CAP2: variants seen among roughly 807,000 people sequenced by gnomAD.
CAP2 encodes the protein adenylyl cyclase-associated protein 2.
In CAP2, 24 loss-of-function variants were observed where a neutral mutation model predicts 57.7. The observed-to-expected ratio is 0.42, with a 90% CI of 0.30 to 0.58. CAP2 has a LOEUF of 0.58. Ranked by LOEUF, CAP2 falls within the 20% of genes least tolerant of loss-of-function variation. The pLI, the probability that CAP2 is intolerant of heterozygous loss-of-function variation, is 0.22. For missense variants in CAP2, 501 were observed against 590.3 expected (o/e 0.85, Z 1.57); for synonymous variants, 194 against 207.2 (o/e 0.94, Z 0.55).
rs185708714 is a variant in CAP2 at position 17,444,597 on chromosome 6, C to T, written c.222+17907C>T. ...CAGAGGTTGCAGTGAGCCGAGATCG[C>T]GCCACTGCACTCCAGCCTGGCGACA... is the stretch of plus-strand genomic sequence containing the variant. On this transcript the variant is annotated intron_variant, in intron 3 of 12. Transcript: ENST00000229922. Among the ~76,000 whole-genome samples the T allele has an allele frequency of 6.9e-5, 10 of 145,890 alleles. No individual in the cohort carries two copies. The East Asian group carries it at 8.2e-4, about 12-fold the overall frequency.
chr6:17,430,561 C>G (rs1759701124), intron 3 of CAP2, among the ~76,000 whole-genome samples: 1 of 145,300 alleles, frequency 6.9e-6, no homozygotes. Context: ...TTTTTCGAGA[C>G]AGAGTCTTGC....
intron 3 of CAP2, among the ~76,000 whole-genome samples, chr6:17,440,625 G>GTA (rs1760047814): frequency 1.3e-5 from 2 of 150,738 alleles, no homozygotes; most frequent in African/African-American, 4.9e-5. Context: ...GTGTGTGTGT[G>GTA]TGTGTGTGTG....
intron 4 of CAP2, among the ~76,000 whole-genome samples, chr6:17,503,662 A>G (rs1761895887): frequency 6.6e-6 from 1 of 151,046 alleles, no homozygotes; most frequent in Non-Finnish European, 1.5e-5. Flanking sequence ...CACCCTAATG[A>G]CCTCATTTTA....
chr6:17,430,129 C>G (rs190415743), intron 3 of CAP2, among the ~76,000 whole-genome samples: 1 of 152,142 alleles, frequency 6.6e-6, no homozygotes, highest in Non-Finnish European at 1.5e-5. Context: ...ACGTCTGTCT[C>G]GATGTGTTGG....
intron 4 of CAP2, among the ~76,000 whole-genome samples, chr6:17,500,365 A>ATATATG (rs1761782438): frequency 9.9e-6 from 1 of 100,758 alleles, no homozygotes; most frequent in African/African-American, 4.3e-5. Flanking sequence ...ATATATATAT[A>ATATATG]TATATATATA....
At chr6:17,538,795 GCTTAAA>G (rs1762832652) in intron 7 of CAP2, among the ~76,000 whole-genome samples, 1 of 152,144 alleles carries the variant, frequency 6.6e-6, no homozygotes, top group South Asian at 2.1e-4. Context: ...CTCTTTCACT[GCTTAAA>G]AAGGTTCGGA....
rs1167358962 is a variant in CAP2 at position 17,513,630 on chromosome 6, CAG to C, written c.531-218_531-217del. Among the ~76,000 whole-genome samples, 1 of 152,086 alleles carries C rather than the reference CAG, an allele frequency of 6.6e-6. No homozygotes were observed. Among genetic ancestry groups the C allele is most frequent in the Non-Finnish European group, 1.5e-5 (1 of 68,008 alleles). On this transcript the variant is annotated intron_variant, in intron 6 of 12. Transcript: ENST00000229922. This position sits in a 1 kb window ranked among gnomAD's most constrained non-coding sequence, Gnocchi z 4.3. ...GTACCTCTGCTCCATACCCGGAGCT[CAG>C]GGCATCCGGCCACCTGCCGCCTCCC... is the stretch of plus-strand genomic sequence containing the variant.
chr6:17,549,212 C>G (rs1763117856), intron 11 of CAP2, among the ~76,000 whole-genome samples: 1 of 152,062 alleles, frequency 6.6e-6, no homozygotes, highest in Admixed American at 6.6e-5. Context: ...GCCTGTAATC[C>G]CAGAACTTTG....
intron 1 of CAP2, among the ~76,000 whole-genome samples, chr6:17,410,084 C>T (rs1759098720): frequency 6.6e-6 from 1 of 152,102 alleles, no homozygotes; most frequent in Non-Finnish European, 1.5e-5. Flanking sequence ...GATGCCTTTA[C>T]TTATTTTTCT....
chr6:17,417,774 A>T (rs915953748), intron 1 of CAP2, among the ~76,000 whole-genome samples: 1 of 152,100 alleles, frequency 6.6e-6, no homozygotes, highest in African/African-American at 2.4e-5. Context: ...CAGTCTCTTC[A>T]TTCTCCAGCT....
chr6:17,552,036 C>T (rs1763182717), intron 12 of CAP2, among the ~76,000 whole-genome samples: 4 of 152,260 alleles, frequency 2.6e-5, no homozygotes, highest in Middle Eastern at 3.4e-3. Context: ...GTGTAAGAAT[C>T]GGGAAGTTTT....
intron 7 of CAP2, among the ~76,000 whole-genome samples, chr6:17,515,899 T>C (rs188654437): frequency 2.5e-4 from 38 of 152,338 alleles, no homozygotes; most frequent in African/African-American, 7.5e-4. Flanking sequence ...TCTCACCGTG[T>C]GTTCCAGCAA....
chr6:17,453,909 T>C (rs1216401895), intron 3 of CAP2, among the ~76,000 whole-genome samples: 1 of 149,262 alleles, frequency 6.7e-6, no homozygotes, highest in Admixed American at 6.6e-5. Context: ...TTCTTTTTTT[T>C]TTTTTTTTTT....
At position 17,400,137 on chromosome 6, in the gene CAP2, A is replaced by T. The variant is rs569537514; in HGVS notation, c.-2+6391A>T. Among the ~76,000 whole-genome samples the T allele has an allele frequency of 2.0e-5, 3 of 152,070 alleles. No homozygotes were observed. The South Asian group carries it at 6.2e-4, about 32-fold the overall frequency. ...GCTACTTGGGAGGCTGAGGCAGGAG[A>T]ATCGCTTGAACCCGGGAGGCGGAGG... On this transcript the variant is annotated intron_variant, in intron 1 of 12. Coordinates refer to ENST00000229922, the MANE Select transcript of CAP2 (RefSeq NM_006366.3).
chr6:17,436,824 C>T (rs1295576785), intron 3 of CAP2, among the ~76,000 whole-genome samples: 2 of 152,100 alleles, frequency 1.3e-5, no homozygotes, highest in African/African-American at 4.8e-5. Context: ...GAGTGGCAGG[C>T]AGGTGAGCGG....
intron 8 of CAP2, 105 bp from the exon 9 acceptor site, chr6:17,540,868 T>G: frequency 8.9e-7 from 1 of 1,123,182 alleles, no homozygotes; most frequent in Non-Finnish European, 1.3e-6. Flanking sequence ...GAAAGTGGCC[T>G]TACCAAAAGT....
intron 7 of CAP2, 70 bp from the exon 8 acceptor site, chr6:17,539,199 T>A: frequency 6.9e-7 from 1 of 1,456,526 alleles, no homozygotes; most frequent in Non-Finnish European, 9.3e-7. Flanking sequence ...AGGTTTCGAC[T>A]CTCTCGGGCA....
intron 3 of CAP2, among the ~76,000 whole-genome samples, chr6:17,436,027 G>C (rs1158558384): frequency 6.6e-6 from 1 of 152,130 alleles, no homozygotes; most frequent in Non-Finnish European, 1.5e-5. Context: ...CTAAGGTTAA[G>C]ATGACTAAAC....
chr6:17,428,628 A>G lies in CAP2; in HGVS notation c.222+1938A>G, dbSNP rs1410078633. On this transcript the variant is annotated intron_variant, in intron 3 of 12. Transcript: ENST00000229922. ...ATCACACTCTGGGGACTGTGGTGGGATGGGGGGAGGGGGGAGGGATAGCAT... is the reference window on the plus strand; with the variant it reads ...ATCACACTCTGGGGACTGTGGTGGGGTGGGGGGAGGGGGGAGGGATAGCAT... Among the ~76,000 whole-genome samples, 537 of 65,512 alleles carry G rather than the reference A, an allele frequency of 8.2e-3. 5 individuals are homozygous for G. The highest frequency in any genetic ancestry group is 0.031 in the African/African-American group (511 of 16,498). 43.0% of individuals were successfully genotyped at this position (65,512 alleles called of 152,430 possible). A position where few individuals can be genotyped will look rare whatever the true frequency, so the allele number is the denominator to read the frequency against.
Sources: gnomAD v4.1 joint callset for allele counts (sites outside exome capture counted in the v4.1 genomes callset) on GRCh38, gnomAD v4.1.1 for gene constraint, Gnocchi (gnomAD v3.1) non-coding constraint, MANE v1.5 for transcripts, NCBI Gene and HGNC (gene_info 2026-07-23, HGNC 2026-07-21) for gene names.